The following COLEC12 variants were observed in gnomAD, a reference collection of about 807,000 sequenced individuals.
The protein encoded by COLEC12 is collectin subfamily member 12, also known as collectin-12.
Under a neutral mutation model 71.1 loss-of-function variants are expected in COLEC12, and 33 were observed. The ratio of observed to expected loss-of-function variants is 0.46; its 90% CI spans 0.35 to 0.62. COLEC12 has a LOEUF of 0.62. Ranked by LOEUF, COLEC12 falls within the 20% of genes least tolerant of loss-of-function variation. The probability of loss-of-function intolerance (pLI) is 0.00; values close to 1 mark genes in which losing one functional copy is unlikely to be tolerated. For synonymous variants in COLEC12, 350 were observed against 353.0 expected, an observed-to-expected ratio of 0.99 and a Z score of 0.10; for missense variants, 765 against 916.1, an observed-to-expected ratio of 0.84 and a Z score of 2.13.
intron 2 of COLEC12, among the ~76,000 whole-genome samples, chr18:374,289 T>C (rs1486982479): frequency 6.6e-6 from 1 of 152,224 alleles, no homozygotes; most frequent in Non-Finnish European, 1.5e-5. Context: ...AATACAGATA[T>C]TATGGACTTT....
chr18:437,387 A>G (rs1916427489), intron 2 of COLEC12, among the ~76,000 whole-genome samples: 1 of 152,204 alleles, frequency 6.6e-6, no homozygotes, highest in Non-Finnish European at 1.5e-5. Context: ...CATTTCTCTA[A>G]AATTCTTTCA....
chr18:319,999 G>A lies in COLEC12; in HGVS notation c.*46C>T. The A allele has an allele frequency of 8.2e-7, 1 of 1,215,626 alleles. No individual in the cohort carries two copies. The highest frequency in any genetic ancestry group is 1.3e-5 in the South Asian group (1 of 75,164). 75.3% of individuals were successfully genotyped at this position (1,215,626 alleles called of 1,614,324 possible). On this transcript the variant is annotated 3_prime_UTR_variant, in exon 10 of 10. Transcript: ENST00000400256. ...ATGCAATTAGAAAGGAGTGTCCTTTGCCTTTGAGAGCTGAAAATTTGCTCA... is the reference window on the plus strand; with the variant it reads ...ATGCAATTAGAAAGGAGTGTCCTTTACCTTTGAGAGCTGAAAATTTGCTCA...
rs187321604 is a variant in COLEC12 at position 409,451 on chromosome 18, C to A, written c.59-51929G>T. ...CGGGAGGCTGAGGCAGGAGAATCCA[C>A]GAGGTGGAGGTTGCAGTGAGCCAAG... On this transcript the variant is annotated intron_variant, in intron 2 of 9. Transcript: ENST00000400256. Among the ~76,000 whole-genome samples, 490 of 152,114 alleles carry A rather than the reference C, an allele frequency of 3.2e-3. 11 individuals carry two copies. Among genetic ancestry groups the A allele is most frequent in the Non-Finnish European group, 5.3e-4 (36 of 67,988 alleles).
At chr18:450,316 G>C (rs78958610) in intron 2 of COLEC12, among the ~76,000 whole-genome samples, 4 of 152,078 alleles carry the variant, frequency 2.6e-5, no homozygotes, top group African/African-American at 7.2e-5. Flanking sequence ...CAATGTTGAG[G>C]GGGGGCCTGC....
intron 1 of COLEC12, among the ~76,000 whole-genome samples, chr18:492,267 T>A (rs1254379086): frequency 6.6e-6 from 1 of 152,208 alleles, no homozygotes; most frequent in Non-Finnish European, 1.5e-5. Flanking sequence ...CAACTTGCAA[T>A]TCTGATGCTT....
intron 2 of COLEC12, among the ~76,000 whole-genome samples, chr18:394,152 A>G (rs908849462): frequency 6.6e-6 from 1 of 152,238 alleles, no homozygotes; most frequent in Non-Finnish European, 1.5e-5. Flanking sequence ...TGATGAGGCC[A>G]ACACCAGAAA....
chr18:335,723 C>A (rs542697526), intron 5 of COLEC12, among the ~76,000 whole-genome samples: 1 of 151,884 alleles, frequency 6.6e-6, no homozygotes, highest in Admixed American at 6.5e-5. Context: ...TTGTTTAAGC[C>A]TCCCAGTCCG....
At chr18:442,791 C>T (rs1916569193) in intron 2 of COLEC12, among the ~76,000 whole-genome samples, 1 of 152,330 alleles carries the variant, frequency 6.6e-6, no homozygotes, top group South Asian at 2.1e-4. Flanking sequence ...GAAACCCTGT[C>T]TCTATTAAAA....
chr18:438,928 T>C (rs1471041009), intron 2 of COLEC12, among the ~76,000 whole-genome samples: 2 of 151,208 alleles, frequency 1.3e-5, no homozygotes, highest in Non-Finnish European at 2.9e-5. Context: ...TGGTGAGGAG[T>C]TAAAGGGGCA....
chr18:500,473 C>A lies in COLEC12; in HGVS notation c.7+35G>T, dbSNP rs763953965. On this transcript the variant is annotated intron_variant, in intron 1 of 9. Transcript: ENST00000400256. The surrounding 1 kb of genome is among the most constrained non-coding windows in gnomAD (Gnocchi z 5.3). ...CCGCGCGCCCCGAAGCCCGTTCCCCCCGCCCAGAGCCCCGCGGAGCTGCCG... is the reference window on the plus strand; with the variant it reads ...CCGCGCGCCCCGAAGCCCGTTCCCCACGCCCAGAGCCCCGCGGAGCTGCCG... 5.7e-6 allele frequency: 7 copies of A among 1,225,704 alleles called. No individual in the cohort carries two copies. In the African/African-American group the frequency reaches 6.3e-5, roughly 11 times the overall value. The allele number at this position is 1,225,704 out of a possible 1,614,324, so 75.9% of individuals were successfully genotyped here.
At chr18:324,706 G>A (rs909191449) in intron 8 of COLEC12, among the ~76,000 whole-genome samples, 8 of 152,066 alleles carry the variant, frequency 5.3e-5, no homozygotes, top group South Asian at 4.1e-4. Context: ...GCAGGTGCCC[G>A]GAGTCCCAGC....
chr18:396,303 A>G (rs562108698), intron 2 of COLEC12, among the ~76,000 whole-genome samples: 3 of 152,300 alleles, frequency 2.0e-5, no homozygotes, highest in African/African-American at 4.8e-5. Flanking sequence ...AACAAAACTG[A>G]TGTGCTTTTT....
At position 346,332 on chromosome 18, in the gene COLEC12, C is replaced by T. The variant is rs1469616496; in HGVS notation, c.1290G>A (p.Lys430=). 19 of 1,613,718 alleles carry T rather than the reference C, an allele frequency of 1.2e-5. No individual in the cohort carries two copies. Among genetic ancestry groups the T allele is most frequent in the Non-Finnish European group, 1.6e-5 (19 of 1,179,882 alleles). The change falls in exon 5 of 10, where the codon AAG becomes AAA. Residue 430 remains lysine, a synonymous_variant. Transcript: ENST00000400256. The surrounding 1 kb of genome is among the most constrained non-coding windows in gnomAD (Gnocchi z 4.0). The part of the protein sequence containing the change: ...IMEEMKLVDS[K]HGQLIKNFTI... ...TAAAATTCTTGATGAGCTGACCATG[C>T]TTGGAGTCTACTAGCTTCATTTCTT...
In COLEC12 at chr18:441,154, A is replaced by T. The variant is rs370684522; in HGVS notation, c.58+39553T>A. 6.1e-5 allele frequency among the ~76,000 whole-genome samples: 9 copies of T among 148,392 alleles called. No homozygotes were observed. In the South Asian group the frequency reaches 2.0e-3, roughly 33 times the overall value. On this transcript the variant is annotated intron_variant, in intron 2 of 9. Coordinates refer to ENST00000400256, the MANE Select transcript of COLEC12 (RefSeq NM_130386.3). ...TCCCAGCTGCTGGGGAGGCTGAGGC[A>T]GGAGAATGGCGTGAACCCGGGAGGC... is the stretch of plus-strand genomic sequence containing the variant.
At chr18:434,053 G>A (rs1413485892) in intron 2 of COLEC12, among the ~76,000 whole-genome samples, 2 of 150,610 alleles carry the variant, frequency 1.3e-5, no homozygotes, top group Non-Finnish European at 3.0e-5. Flanking sequence ...GAGAAGAGAA[G>A]AGCCAAATAC....
At chr18:478,163 C>CCACTT (rs1917340729) in intron 2 of COLEC12, among the ~76,000 whole-genome samples, 2 of 152,154 alleles carry the variant, frequency 1.3e-5, no homozygotes, top group South Asian at 4.1e-4. Context: ...AAGGTCAGCT[C>CCACTT]CACTTCACTT....
intron 2 of COLEC12, among the ~76,000 whole-genome samples, chr18:428,263 C>CAA (rs764493479): frequency 4.6e-4 from 60 of 131,330 alleles, no homozygotes; most frequent in African/African-American, 8.8e-4. Flanking sequence ...AACTCCGTCT[C>CAA]AAAAAAAAAA....
chr18:332,913 G>C, intron 7 of COLEC12, 94 bp downstream of exon 7: 3 of 1,152,440 alleles, frequency 2.6e-6, no homozygotes, highest in Non-Finnish European at 3.7e-6. Context: ...CTAGGAATTC[G>C]TGATATCTCT....
chr18:330,166 A>G (rs147246512), intron 8 of COLEC12, among the ~76,000 whole-genome samples: 35 of 152,360 alleles, frequency 2.3e-4, no homozygotes, highest in African/African-American at 7.2e-4. Context: ...GGAGAATTTG[A>G]AAGTACAAAA....
Sources: allele counts gnomAD v4.1 joint callset (sites outside exome capture counted in the v4.1 genomes callset), GRCh38; gene constraint gnomAD v4.1.1; non-coding constraint Gnocchi (gnomAD v3.1); transcripts MANE v1.5; gene names NCBI Gene and HGNC (gene_info 2026-07-23, HGNC 2026-07-21).